Variants in AHCYL2 observed in about 807,000 individuals in gnomAD.
AHCYL2 encodes the protein adenosylhomocysteinase like 2.
A neutral mutation model predicts 81.4 loss-of-function variants in AHCYL2; 28 were observed. That is an observed-to-expected ratio of 0.34 (90% CI 0.25 to 0.47). The LOEUF is 0.47. AHCYL2 is among the 20% of genes least tolerant of loss of function. The probability of loss-of-function intolerance (pLI) is 1.00; values close to 1 mark genes in which losing one functional copy is unlikely to be tolerated. For missense variants in AHCYL2, 551 were observed against 785.1 expected (o/e 0.70, Z 3.56); for synonymous variants, 272 against 290.2 (o/e 0.94, Z 0.64).
chr7:129,326,383 C>T (rs910818278), intron 1 of AHCYL2, among the ~76,000 whole-genome samples: 5 of 151,996 alleles, frequency 3.3e-5, no homozygotes, highest in South Asian at 2.1e-4. Context: ...AAAAATTAGC[C>T]GGGCGTGGTG....
chr7:129,397,552 T>C (rs1173050625), intron 5 of AHCYL2, among the ~76,000 whole-genome samples: 4 of 152,260 alleles, frequency 2.6e-5, no homozygotes, highest in Admixed American at 2.6e-4. Context: ...TCTAATATTC[T>C]ATTGTTAGGT....
At chr7:129,235,920 G>T (rs1438583853) in intron 1 of AHCYL2, among the ~76,000 whole-genome samples, 5 of 151,444 alleles carry the variant, frequency 3.3e-5, no homozygotes, top group Non-Finnish European at 7.4e-5. Context: ...TTTATACATG[G>T]TGCTGCAGTA....
chr7:129,394,572 C>T (rs923746669), intron 4 of AHCYL2, among the ~76,000 whole-genome samples: 2 of 151,610 alleles, frequency 1.3e-5, no homozygotes, highest in African/African-American at 2.4e-5. Flanking sequence ...CTCAGCCTCC[C>T]GAATAACTGG....
intron 1 of AHCYL2, among the ~76,000 whole-genome samples, chr7:129,342,026 T>C (rs1793203475): frequency 6.6e-6 from 1 of 152,136 alleles, no homozygotes; most frequent in Non-Finnish European, 1.5e-5. Context: ...AAGCTTTATG[T>C]GGGAACCAGC....
chr7:129,390,159 C>G (rs1795398136), intron 4 of AHCYL2, among the ~76,000 whole-genome samples: 1 of 152,144 alleles, frequency 6.6e-6, no homozygotes, highest in Non-Finnish European at 1.5e-5. Context: ...GTTCTGCTTC[C>G]TGAGGATTTG....
intron 1 of AHCYL2, among the ~76,000 whole-genome samples, chr7:129,365,498 T>C (rs1367994951): frequency 6.6e-6 from 1 of 151,768 alleles, no homozygotes; most frequent in African/African-American, 2.4e-5. Context: ...TATAGAGAGG[T>C]CAAGTAAGTG....
chr7:129,423,664 TTTTGA>T (rs1372506741), intron 13 of AHCYL2, among the ~76,000 whole-genome samples: 2 of 152,202 alleles, frequency 1.3e-5, no homozygotes, highest in Non-Finnish European at 2.9e-5. Flanking sequence ...CTTTTCTCAA[TTTTGA>T]TTTTCAGTTG....
At chr7:129,357,274 T>G (rs1455561197) in intron 1 of AHCYL2, among the ~76,000 whole-genome samples, 1 of 152,174 alleles carries the variant, frequency 6.6e-6, no homozygotes. Context: ...GTTAATAGTA[T>G]TATTAGGTAA....
At chr7:129,361,378 C>T (rs904289948) in intron 1 of AHCYL2, among the ~76,000 whole-genome samples, 3 of 152,132 alleles carry the variant, frequency 2.0e-5, no homozygotes, top group Non-Finnish European at 4.4e-5. Flanking sequence ...CCATATACTC[C>T]CATGTACTTA....
At chr7:129,329,370 A>G (rs1036023998) in intron 1 of AHCYL2, among the ~76,000 whole-genome samples, 1 of 151,826 alleles carries the variant, frequency 6.6e-6, no homozygotes, top group Non-Finnish European at 1.5e-5. Flanking sequence ...TTTTGTACAA[A>G]TAAGGTCTGC....
At chr7:129,321,765 G>GTTTTTTTTTTTTTTTTTTTTT (rs1798035846) in intron 1 of AHCYL2, among the ~76,000 whole-genome samples, 15 of 47,622 alleles carry the variant, frequency 3.1e-4, no homozygotes, top group East Asian at 6.5e-4. Context: ...TTTTTTTTTT[G>GTTTTTTTTTTTTTTTTTTTTT]GTCTTGGTTT....
At chr7:129,338,363 C>T (rs1793039009) in intron 1 of AHCYL2, among the ~76,000 whole-genome samples, 1 of 152,022 alleles carries the variant, frequency 6.6e-6, no homozygotes, top group African/African-American at 2.4e-5. Context: ...TGCTGTTTCC[C>T]AGGCATGTGT....
At chr7:129,259,525 T>C (rs1165910575) in intron 1 of AHCYL2, among the ~76,000 whole-genome samples, 1 of 152,074 alleles carries the variant, frequency 6.6e-6, no homozygotes, top group Non-Finnish European at 1.5e-5. Context: ...CCAAATGAGG[T>C]TGAGTTCTAA....
At chr7:129,258,346 G>T (rs1011373708) in intron 1 of AHCYL2, among the ~76,000 whole-genome samples, 1 of 149,542 alleles carries the variant, frequency 6.7e-6, no homozygotes, top group African/African-American at 2.5e-5. Flanking sequence ...CTAACCTTAT[G>T]CCTAATTTAG....
chr7:129,317,089 T>C (rs1367179122), intron 1 of AHCYL2, among the ~76,000 whole-genome samples: 1 of 152,240 alleles, frequency 6.6e-6, no homozygotes, highest in Non-Finnish European at 1.5e-5. Context: ...TTAGAGACAG[T>C]TCTGTTTCCT....
At chr7:129,366,172 C>T (rs1243964443) in intron 1 of AHCYL2, among the ~76,000 whole-genome samples, 2 of 152,088 alleles carry the variant, frequency 1.3e-5, no homozygotes, top group East Asian at 3.9e-4. Context: ...CCTCTATGAC[C>T]ACAGCTTCCT....
At chr7:129,340,947 A>G (rs1175433270) in intron 1 of AHCYL2, among the ~76,000 whole-genome samples, 1 of 152,158 alleles carries the variant, frequency 6.6e-6, no homozygotes, top group African/African-American at 2.4e-5. Context: ...ATCTGTGTCC[A>G]TGATTGAAAT....
chr7:129,426,630 C>G lies in AHCYL2; in HGVS notation c.1829+67C>G. 2 of 1,563,948 alleles carry G rather than the reference C, an allele frequency of 1.3e-6. No individual in the cohort carries two copies. Among genetic ancestry groups the G allele is most frequent in the South Asian group, 2.5e-5 (2 of 81,392 alleles). ...ATGAGCTTCCTGCACTGGAATTGGT[C>G]TTTGCATCCCCAACCACATATGCTT... On this transcript the variant is annotated intron_variant, in intron 16 of 16. Transcript: ENST00000325006. The surrounding 1 kb of genome is among the most constrained non-coding windows in gnomAD (Gnocchi z 4.3).
chr7:129,291,978 A>G (rs1796883843), intron 1 of AHCYL2, among the ~76,000 whole-genome samples: 1 of 152,062 alleles, frequency 6.6e-6, no homozygotes, highest in Non-Finnish European at 1.5e-5. Context: ...CCAAAAAATG[A>G]CTTTTAATTT....
Sources: allele counts gnomAD v4.1 joint callset (sites outside exome capture counted in the v4.1 genomes callset), GRCh38; gene constraint gnomAD v4.1.1; non-coding constraint Gnocchi (gnomAD v3.1); transcripts MANE v1.5; gene names NCBI Gene and HGNC (gene_info 2026-07-23, HGNC 2026-07-21).